Variants in TRPM8 observed in about 807,000 individuals in gnomAD.
TRPM8 encodes TRPM8 cationic channel.
TRPM8 carries 110 observed loss-of-function variants against 133.7 expected under a neutral mutation model. The observed-to-expected ratio is 0.82, with a 90% confidence interval of 0.70 to 0.96. The LOEUF (loss-of-function observed/expected upper bound fraction) is 0.96, where lower values mean the gene tolerates loss of function less well. TRPM8 is among the 40% of genes least tolerant of loss of function. The pLI, the probability that TRPM8 is intolerant of heterozygous loss-of-function variation, is 0.00. For missense variants in TRPM8, 1,291 were observed against 1,379.5 expected (o/e 0.94, Z 1.02); for synonymous variants, 535 against 532.3 (o/e 1.01, Z -0.07).
chr2:233,971,020 A>G (rs1228261798), intron 17 of TRPM8, among the ~76,000 whole-genome samples: 3 of 152,228 alleles, frequency 2.0e-5, no homozygotes, highest in African/African-American at 7.2e-5. Flanking sequence ...GGTTGAAAAA[A>G]TAAATATTGA....
At position 233,966,663 on chromosome 2, in the gene TRPM8, G is replaced by A. The variant is rs1340950687; in HGVS notation, c.1933G>A (p.Val645Ile). 1 of 1,614,076 alleles carries A rather than the reference G, an allele frequency of 6.2e-7. No homozygotes were observed. Among genetic ancestry groups the A allele is most frequent in the South Asian group, 1.1e-5 (1 of 91,064 alleles). Reference protein sequence around the residue: ...SDEDLAEQLLVYSCEAWGGSN... With the variant: ...SDEDLAEQLLIYSCEAWGGSN... ...TGAAGACTTGGCAGAACAGCTGCTG[G>A]TCTATTCCTGTGAAGCTTGGGGTGG... The change falls in exon 15 of 26, where the codon GTC becomes ATC. Residue 645 changes from valine to isoleucine, a missense_variant. Coordinates refer to ENST00000324695, the MANE Select transcript of TRPM8 (RefSeq NM_024080.5).
intron 6 of TRPM8, among the ~76,000 whole-genome samples, chr2:233,943,933 A>AT (rs1257554340): frequency 6.6e-6 from 1 of 151,692 alleles, no homozygotes; most frequent in Non-Finnish European, 1.5e-5. Context: ...CTTGGTTACC[A>AT]TTTTTGAGAT....
chr2:234,010,662 T>G (rs1382346238), intron 24 of TRPM8, among the ~76,000 whole-genome samples: 2 of 152,250 alleles, frequency 1.3e-5, no homozygotes, highest in African/African-American at 4.8e-5. Flanking sequence ...GCCTTTTTGA[T>G]AATAAGCGTC....
rs1690954409 is a variant in TRPM8, at chr2:233,943,164, G to C, written c.699+416G>C. Among the ~76,000 whole-genome samples the C allele has an allele frequency of 2.0e-5, 3 of 149,140 alleles. No homozygotes were observed. The South Asian group carries it at 6.4e-4, about 32-fold the overall frequency. On this transcript the variant is annotated intron_variant, in intron 6 of 25. Coordinates refer to ENST00000324695, the MANE Select transcript of TRPM8 (RefSeq NM_024080.5). ...TAGGGTACTTGTGCATAACGTGCAG[G>C]TTTGTTGCATATGTATACATGTGCC...
rs200265247 is a variant in TRPM8, at chr2:233,926,615, C to T, written c.78C>T (p.Ser26=). The change falls in exon 2 of 26, where the codon TCC becomes TCT. Residue 26 remains serine (S), a synonymous_variant. Transcript: ENST00000324695. ...TGGACAGCACCCGGACCCTGTACTCCAGCGCGTCTCGGAGCACAGACTTGT... is the reference window on the plus strand; with the variant it reads ...TGGACAGCACCCGGACCCTGTACTCTAGCGCGTCTCGGAGCACAGACTTGT... The part of the protein sequence containing the change: ...DTLDSTRTLY[S]SASRSTDLSY... 1.4e-5 allele frequency: 23 copies of T among 1,614,044 alleles called. No homozygotes were observed. The South Asian group carries it at 2.3e-4, about 16-fold the overall frequency.
At chr2:233,964,855 G>T (rs1691527464) in intron 14 of TRPM8, 98 bp downstream of exon 14, 1 of 1,300,790 alleles carries the variant, frequency 7.7e-7, no homozygotes, top group African/African-American at 1.4e-5. Flanking sequence ...GAGGTCCGTG[G>T]CATGTCCAAG....
At position 234,006,928 on chromosome 2, in the gene TRPM8, C is replaced by G. The variant is rs779933309; in HGVS notation, c.3206C>G (p.Thr1069Arg). The change falls in exon 23 of 26, where the codon ACA becomes AGA. Residue 1069 changes from threonine to arginine, a missense_variant. This residue lies in a region of TRPM8 where 328 missense variants were observed against 410.6 expected (regional missense o/e 0.80). Transcript: ENST00000324695. ...MKENYLVKIN[T>R]KANDTSEEMR... ...GAAAACTACCTTGTCAAGATCAACA[C>G]AAAAGCCAACGACACCTCAGAGGAG... is the stretch of plus-strand genomic sequence containing the variant. The G allele has an allele frequency of 1.5e-5, 24 of 1,613,544 alleles. No individual in the cohort carries two copies. In the African/African-American group the frequency reaches 3.2e-4, roughly 22 times the overall value.
intron 14 of TRPM8, among the ~76,000 whole-genome samples, chr2:233,965,142 A>G (rs1429490619): frequency 6.6e-6 from 1 of 151,744 alleles, no homozygotes; most frequent in Non-Finnish European, 1.5e-5. Flanking sequence ...TTAGCCTGCC[A>G]GTTTCATATG....
intron 2 of TRPM8, among the ~76,000 whole-genome samples, chr2:233,928,471 G>T (rs1415475625): frequency 6.6e-6 from 1 of 152,044 alleles, no homozygotes; most frequent in Non-Finnish European, 1.5e-5. Flanking sequence ...ATTTTCAGAG[G>T]GTTTTTTAAG....
chr2:233,919,190 G>T (rs560236770), intron 1 of TRPM8, among the ~76,000 whole-genome samples: 7 of 152,110 alleles, frequency 4.6e-5, no homozygotes, highest in Non-Finnish European at 1.0e-4. Context: ...GATAATAAGA[G>T]CACACTAATA....
intron 2 of TRPM8, among the ~76,000 whole-genome samples, chr2:233,929,430 C>A (rs1444870362): frequency 6.6e-6 from 1 of 152,172 alleles, no homozygotes; most frequent in Non-Finnish European, 1.5e-5. Flanking sequence ...AGGGACATCC[C>A]CCTTTGCAGT....
rs202035579 is a variant in TRPM8, at chr2:233,985,783, G to T, written c.2857G>T (p.Glu953Ter). The change falls in exon 21 of 26, where the codon GAG becomes TAG. Residue 953 changes from glutamate to a stop codon, truncating the protein, a stop_gained. Transcript: ENST00000324695. LOFTEE classifies it high-confidence loss of function. ...TGAGCACAACCTGCCCCGGTTCCCC[G>T]AGTGGATCACCATCCCCCTGGTGTG... The part of the protein sequence containing the change: ...LDEHNLPRFP[E>*]WITIPLVCIY... 3.1e-6 allele frequency: 5 copies of T among 1,614,058 alleles called. No individual in the cohort carries two copies. In the African/African-American group the frequency reaches 6.7e-5, roughly 22 times the overall value.
At chr2:233,994,446 T>C (rs1484986222) in intron 21 of TRPM8, among the ~76,000 whole-genome samples, 2 of 152,180 alleles carry the variant, frequency 1.3e-5, no homozygotes, top group Non-Finnish European at 2.9e-5. Context: ...CCAACCAATT[T>C]ACAGGCATAG....
chr2:233,955,688 C>T (rs752559767), intron 11 of TRPM8, among the ~76,000 whole-genome samples: 3 of 152,218 alleles, frequency 2.0e-5, no homozygotes, highest in Admixed American at 6.5e-5. Context: ...ATTAGAGAAC[C>T]GTCCGTAGTG....
intron 21 of TRPM8, among the ~76,000 whole-genome samples, chr2:233,993,142 A>G (rs1197477192): frequency 6.6e-6 from 1 of 152,174 alleles, no homozygotes; most frequent in Admixed American, 6.5e-5. Context: ...TTTATGCAAA[A>G]CGGCTTTTGG....
intron 1 of TRPM8, among the ~76,000 whole-genome samples, chr2:233,925,794 G>A (rs1017816643): frequency 2.0e-5 from 3 of 152,132 alleles, no homozygotes; most frequent in African/African-American, 7.2e-5. Context: ...GCATTGACGG[G>A]TTTTGTCTCG....
At position 233,946,720 on chromosome 2, in the gene TRPM8, C is replaced by G. The variant is rs28901642; in HGVS notation, c.875-368C>G. Among the ~76,000 whole-genome samples the G allele has an allele frequency of 8.8e-3, 1,342 of 152,280 alleles. 14 individuals carry two copies. Among genetic ancestry groups the G allele is most frequent in the African/African-American group, 0.031 (1,274 of 41,558 alleles). On this transcript the variant is annotated intron_variant, in intron 7 of 25. Coordinates refer to ENST00000324695, the MANE Select transcript of TRPM8 (RefSeq NM_024080.5). ...TATGCAATAAACTGTTGAAAGACCA[C>G]TAGTTATGCAAAGTTCTCACTCAAG...
intron 11 of TRPM8, among the ~76,000 whole-genome samples, chr2:233,958,635 T>C (rs1026646530): frequency 7.2e-5 from 11 of 152,156 alleles, no homozygotes; most frequent in Admixed American, 5.9e-4. Flanking sequence ...ATGCTGGACA[T>C]GAGGAACACT....
Position 233,937,520 on chromosome 2 carries a change from G to A in TRPM8, c.348+11G>A, listed in dbSNP as rs180831870. 4.4e-6 allele frequency: 7 copies of A among 1,608,204 alleles called. No homozygotes were observed. In the East Asian group the frequency reaches 1.6e-4, roughly 36 times the overall value. ...GGGAAGAAAGGGAAGGTAAGCAATGGTTTTCTACTTTGGCAGCTAATTCAT... is the reference window on the plus strand; with the variant it reads ...GGGAAGAAAGGGAAGGTAAGCAATGATTTTCTACTTTGGCAGCTAATTCAT... On this transcript the variant is annotated intron_variant, in intron 4 of 25. Coordinates refer to ENST00000324695, the MANE Select transcript of TRPM8 (RefSeq NM_024080.5).
Sources: gnomAD v4.1 joint callset for allele counts (sites outside exome capture counted in the v4.1 genomes callset) on GRCh38, gnomAD v4.1.1 for gene constraint, gnomAD v4.1.1 regional missense constraint, MANE v1.5 for transcripts, NCBI Gene and HGNC (gene_info 2026-07-23, HGNC 2026-07-21) for gene names.